The following SH3RF2 variants were observed in gnomAD, a reference collection of about 807,000 sequenced individuals.
The protein encoded by SH3RF2 is SH3 domain containing ring finger 2.
In SH3RF2, 43 loss-of-function variants were observed where a neutral mutation model predicts 59.0. The observed-to-expected ratio is 0.73, with a 90% CI of 0.57 to 0.94. The LOEUF (loss-of-function observed/expected upper bound fraction) is 0.94, where lower values mean the gene tolerates loss of function less well. Among genes scored for constraint, SH3RF2 ranks in the 40% least tolerant of loss-of-function variants. The pLI, the probability that SH3RF2 is intolerant of heterozygous loss-of-function variation, is 0.00. For missense variants in SH3RF2, 930 were observed against 940.1 expected (o/e 0.99, Z 0.14); for synonymous variants, 391 against 391.5 (o/e 1.00, Z 0.01).
intron 5 of SH3RF2, chr5:146,043,140 T>G (rs1261982854): frequency 6.6e-6 from 1 of 152,302 alleles, no homozygotes; most frequent in Non-Finnish European, 1.5e-5. Flanking sequence ...GGGCCTTCCT[T>G]TCTGTCTTGT....
At chr5:146,045,871 A>AT (rs934707515) in intron 5 of SH3RF2, among the ~76,000 whole-genome samples, 1 of 152,214 alleles carries the variant, frequency 6.6e-6, no homozygotes, top group African/African-American at 2.4e-5. Flanking sequence ...TCATATGGTA[A>AT]TCCTATGTTT....
chr5:146,061,794 G>A (rs1762902325), intron 9 of SH3RF2, among the ~76,000 whole-genome samples: 1 of 152,130 alleles, frequency 6.6e-6, no homozygotes, highest in Non-Finnish European at 1.5e-5. Context: ...TTGTCAGAAT[G>A]AGCCATAGGC....
chr5:146,081,773 A>G (rs1763428640), exon 10 of SH3RF2: 1 of 150,916 alleles, frequency 6.6e-6, no homozygotes, highest in African/African-American at 2.4e-5. Context: ...TTTTCACTTA[A>G]TAGGTTATTC....
chr5:146,011,035 C>T (rs1580855627), intron 4 of SH3RF2, among the ~76,000 whole-genome samples: 2 of 152,178 alleles, frequency 1.3e-5, no homozygotes. Context: ...AGTCTCTAAT[C>T]CATCTTGAAT....
chr5:145,949,053 T>C (rs556036787), intron 2 of SH3RF2, among the ~76,000 whole-genome samples: 1 of 152,350 alleles, frequency 6.6e-6, no homozygotes, highest in African/African-American at 2.4e-5. Flanking sequence ...CCCTTGAGGC[T>C]AAACGAAAGG....
At chr5:146,015,704 G>A (rs951731047) in intron 5 of SH3RF2, among the ~76,000 whole-genome samples, 1 of 152,192 alleles carries the variant, frequency 6.6e-6, no homozygotes, top group African/African-American at 2.4e-5. Context: ...ACGGAGGCTG[G>A]ACTAGAGTGG....
At chr5:146,048,484 A>G (rs1450378266) in intron 6 of SH3RF2, among the ~76,000 whole-genome samples, 1 of 152,230 alleles carries the variant, frequency 6.6e-6, no homozygotes, top group Non-Finnish European at 1.5e-5. Context: ...TCATAAATAC[A>G]TGTTGTTTAG....
At chr5:146,064,855 A>AG (rs1763060379), downstream of SH3RF2, among the ~76,000 whole-genome samples, 1 of 24,172 alleles carries the variant, frequency 4.1e-5, no homozygotes, top group Non-Finnish European at 1.8e-4. Context: ...AAAGAAAGAA[A>AG]GAAAGAAAGA....
At chr5:146,035,205 G>A (rs749435480) in intron 5 of SH3RF2, among the ~76,000 whole-genome samples, 11 of 151,662 alleles carry the variant, frequency 7.3e-5, no homozygotes, top group South Asian at 2.1e-4. Context: ...CGTTGTTGTC[G>A]CTGTAATATC....
rs1374006261 is a variant in SH3RF2 at position 145,937,941 on chromosome 5, A to G, written c.13A>G (p.Thr5Ala). The change falls in exon 2 of 10, where the codon ACG (threonine) becomes GCG (alanine). Residue 5 changes from threonine (T) to alanine (A), a missense_variant. By Grantham distance (58) the Thr-to-Ala change is moderately conservative. Coordinates refer to ENST00000359120, the MANE Select transcript of SH3RF2 (RefSeq NM_152550.4). MDDL[T>A]LLDLLECPVC... ...GTTTTGAAATAAAATGGATGATTTG[A>G]CGTTACTTGATCTTCTGGAGTGCCC... 1 of 1,613,004 alleles carries G rather than the reference A, an allele frequency of 6.2e-7. No homozygotes were observed. Among genetic ancestry groups the G allele is most frequent in the Non-Finnish European group, 8.5e-7 (1 of 1,179,400 alleles).
intron 2 of SH3RF2, chr5:145,997,815 C>T (rs2079980881): frequency 5.3e-6 from 8 of 1,498,232 alleles, no homozygotes; most frequent in South Asian, 1.1e-5. Context: ...GCTAGGATCC[C>T]CCGCCGAAAT....
intron 5 of SH3RF2, among the ~76,000 whole-genome samples, chr5:146,045,760 G>A (rs1311412376): frequency 6.6e-6 from 1 of 152,052 alleles, no homozygotes; most frequent in Non-Finnish European, 1.5e-5. Context: ...TCCCGCTTTG[G>A]GTTATTATGA....
chr5:146,006,471 A>G (rs745612084), intron 4 of SH3RF2, among the ~76,000 whole-genome samples: 23 of 152,212 alleles, frequency 1.5e-4, no homozygotes, highest in Non-Finnish European at 3.2e-4. Flanking sequence ...GAGTTATGAT[A>G]TGCAACTTAC....
intron 5 of SH3RF2, among the ~76,000 whole-genome samples, chr5:146,022,918 C>T (rs2149998868): frequency 1.1e-5 from 1 of 92,412 alleles, no homozygotes; most frequent in East Asian, 3.8e-4. Context: ...CACACACACA[C>T]ACACAATTCC....
intron 2 of SH3RF2, among the ~76,000 whole-genome samples, chr5:145,977,872 A>G (rs182303790): frequency 4.7e-4 from 72 of 152,366 alleles, no homozygotes; most frequent in African/African-American, 1.6e-3. Flanking sequence ...ACAGGCACTC[A>G]GTAAATTTTG....
chr5:146,051,620 C>T (rs114112111), intron 7 of SH3RF2, among the ~76,000 whole-genome samples: 3,516 of 152,056 alleles, frequency 0.023, 74 homozygotes, highest in Admixed American at 0.067. Flanking sequence ...GATGGAGTTG[C>T]CTTTAAATGA....
chr5:145,993,076 A>C (rs1170834069), intron 2 of SH3RF2, among the ~76,000 whole-genome samples: 1 of 152,140 alleles, frequency 6.6e-6, no homozygotes, highest in African/African-American at 2.4e-5. Flanking sequence ...AAATGGGAGA[A>C]ATAGGCCAGA....
At chr5:146,008,293 G>T (rs1463892291) in intron 4 of SH3RF2, among the ~76,000 whole-genome samples, 1 of 152,204 alleles carries the variant, frequency 6.6e-6, no homozygotes, top group Non-Finnish European at 1.5e-5. Context: ...CAGGGCAGAC[G>T]CAGAGTCTCC....
chr5:146,053,241 G>A (rs1345797582), intron 7 of SH3RF2, among the ~76,000 whole-genome samples: 1 of 152,210 alleles, frequency 6.6e-6, no homozygotes, highest in East Asian at 1.9e-4. Context: ...ACACCAACCT[G>A]TCCAGCTGTT....
Sources: gnomAD v4.1 joint callset for allele counts (sites outside exome capture counted in the v4.1 genomes callset) on GRCh38, gnomAD v4.1.1 for gene constraint, MANE v1.5 for transcripts, NCBI Gene and HGNC (gene_info 2026-07-23, HGNC 2026-07-21) for gene names.